Variants in PDE5A observed in about 807,000 individuals in gnomAD.
The protein encoded by PDE5A is phosphodiesterase 5A.
PDE5A carries 67 observed loss-of-function variants against 110.2 expected under a neutral mutation model. That is an observed-to-expected ratio of 0.61 (90% CI 0.50 to 0.75). PDE5A has a LOEUF of 0.75. Among genes scored for constraint, PDE5A ranks in the 30% least tolerant of loss-of-function variants. The probability of loss-of-function intolerance (pLI) is 0.00; values close to 1 mark genes in which losing one functional copy is unlikely to be tolerated. For synonymous variants in PDE5A, 328 were observed against 351.2 expected (o/e 0.93, Z 0.74); for missense variants, 862 against 1,045.1 (o/e 0.82, Z 2.42).
intron 1 of PDE5A, among the ~76,000 whole-genome samples, chr4:119,610,876 TCCTATACTTACC>T (rs1182980470): frequency 2.0e-5 from 3 of 152,110 alleles, no homozygotes; most frequent in Non-Finnish European, 2.9e-5. Context: ...ATCTCTCTGA[TCCTATACTTACC>T]CCCTTGCAAT....
chr4:119,615,512 C>G (rs930452670), intron 1 of PDE5A, among the ~76,000 whole-genome samples: 19 of 151,024 alleles, frequency 1.3e-4, no homozygotes, highest in Non-Finnish European at 2.5e-4. Flanking sequence ...GGGGCCCTAA[C>G]TGGGTTGGGA....
Position 119,603,379 on chromosome 4 carries a change from CAT to C in PDE5A, c.741+3328_741+3329del, listed in dbSNP as rs1729412186. Among the ~76,000 whole-genome samples, 7 of 3,306 alleles carry C rather than the reference CAT, an allele frequency of 2.1e-3. No individual in the cohort carries two copies. In the Non-Finnish European group the frequency reaches 0.022, roughly 10 times the overall value. 2.2% of individuals were successfully genotyped at this position (3,306 alleles called of 152,430 possible). A position where few individuals can be genotyped will look rare whatever the true frequency, so the allele number is the denominator to read the frequency against. On this transcript the variant is annotated intron_variant, in intron 2 of 20. Transcript: ENST00000354960. ...GTGAGACTCTGGCTTAAAATAAATA[CAT>C]ACATACATACATACATACATACATA...
Position 119,627,878 on chromosome 4 carries a change from C to G in PDE5A, c.152+642G>C, listed in dbSNP as rs1466389438. On this transcript the variant is annotated intron_variant, in intron 1 of 20. Transcript: ENST00000354960. The surrounding 1 kb of genome is among the most constrained non-coding windows in gnomAD (Gnocchi z 4.6). ...CCCTGCGCCCTTTGTGTGCACGCCG[C>G]AAACCCCTCTGCAGAGCTCTACTTT... 1 of 234,118 alleles carries G rather than the reference C, an allele frequency of 4.3e-6. No homozygotes were observed. Among genetic ancestry groups the G allele is most frequent in the Non-Finnish European group, 7.0e-6 (1 of 142,886 alleles). The allele number at this position is 234,118 out of a possible 1,614,324, so 14.5% of individuals were successfully genotyped here.
At chr4:119,595,190 C>T (rs1418524362) in intron 3 of PDE5A, among the ~76,000 whole-genome samples, 3 of 151,538 alleles carry the variant, frequency 2.0e-5, no homozygotes, top group African/African-American at 7.3e-5. Flanking sequence ...TGGTAACACA[C>T]TAGATGGAGG....
At chr4:119,512,150 G>A (rs1226841810) in intron 14 of PDE5A, among the ~76,000 whole-genome samples, 1 of 152,070 alleles carries the variant, frequency 6.6e-6, no homozygotes, top group Non-Finnish European at 1.5e-5. Flanking sequence ...TAAGACTGAA[G>A]AAATGTAATG....
chr4:119,557,686 A>G (rs1053734149), intron 7 of PDE5A, among the ~76,000 whole-genome samples: 1 of 152,170 alleles, frequency 6.6e-6, no homozygotes, highest in African/African-American at 2.4e-5. Context: ...TTCTTAGTAC[A>G]ATCCTACTAC....
chr4:119,612,321 C>G (rs1455278856), intron 1 of PDE5A, among the ~76,000 whole-genome samples: 1 of 152,130 alleles, frequency 6.6e-6, no homozygotes, highest in Admixed American at 6.5e-5. Flanking sequence ...CACACCATCC[C>G]CTTCATGATG....
intron 3 of PDE5A, among the ~76,000 whole-genome samples, chr4:119,585,924 G>T (rs1728748759): frequency 6.6e-6 from 1 of 152,164 alleles, no homozygotes; most frequent in Non-Finnish European, 1.5e-5. Context: ...CCCACATGGT[G>T]AGGAATGAAG....
chr4:119,504,668 T>C, intron 17 of PDE5A, 69 bp from the exon 18 acceptor site: 1 of 1,271,312 alleles, frequency 7.9e-7, no homozygotes, highest in East Asian at 2.4e-5. Context: ...CAGTAAATAG[T>C]TACTAATAAA....
intron 3 of PDE5A, among the ~76,000 whole-genome samples, chr4:119,574,331 C>T (rs1037719119): frequency 3.3e-5 from 5 of 150,102 alleles, no homozygotes; most frequent in South Asian, 2.2e-4. Context: ...TACATGTGCC[C>T]GCCACCACGC....
chr4:119,506,140 C>T (rs1373134847), intron 16 of PDE5A, among the ~76,000 whole-genome samples: 2 of 151,678 alleles, frequency 1.3e-5, no homozygotes, highest in Non-Finnish European at 3.0e-5. Context: ...AACATTAAAC[C>T]TCACCTAATT....
intron 3 of PDE5A, among the ~76,000 whole-genome samples, chr4:119,578,669 C>T (rs1158588142): frequency 6.6e-6 from 1 of 152,144 alleles, no homozygotes; most frequent in Admixed American, 6.6e-5. Context: ...CTTCCTTACA[C>T]CTTATACAAA....
At position 119,628,691 on chromosome 4, in the gene PDE5A, G is replaced by A; in HGVS notation, c.-20C>T. The A allele has an allele frequency of 6.2e-7, 1 of 1,609,104 alleles. No homozygotes were observed. Among genetic ancestry groups the A allele is most frequent in the Non-Finnish European group, 8.5e-7 (1 of 1,179,668 alleles). On this transcript the variant is annotated 5_prime_UTR_variant, in exon 1 of 21. Transcript: ENST00000354960. ...CTCCATGGTTGGCACCGCGCGCCTCGGAGGCTCTCTGGTACTGCTTTTCCA... is the reference window on the plus strand; with the variant it reads ...CTCCATGGTTGGCACCGCGCGCCTCAGAGGCTCTCTGGTACTGCTTTTCCA...
chr4:119,542,476 G>T lies in PDE5A; in HGVS notation c.1555C>A (p.Gln519Lys). The T allele has an allele frequency of 6.2e-7, 1 of 1,613,786 alleles. No homozygotes were observed. Reference protein sequence around the residue: ...YEAVERAMAKQMVTLEVLSYH... With the variant: ...YEAVERAMAKKMVTLEVLSYH... ...TCACCCACCTCCAATGTGACCATTT[G>T]CTTGGCCATGGCTCTCTCCACTGCT... Residue 519 changes from glutamine to lysine, a missense_variant, in exon 10 of 21, where the codon CAA becomes AAA. Gln to Lys is a moderately conservative substitution (Grantham distance 53, BLOSUM62 1). Coordinates refer to ENST00000354960, the MANE Select transcript of PDE5A (RefSeq NM_001083.4).
chr4:119,535,257 A>C (rs1286745193), intron 11 of PDE5A, among the ~76,000 whole-genome samples: 1 of 152,048 alleles, frequency 6.6e-6, no homozygotes, highest in African/African-American at 2.4e-5. Flanking sequence ...GAGTCAACAC[A>C]CTTGTGGGTA....
At chr4:119,569,780 A>T (rs1728079614) in intron 3 of PDE5A, 1 of 152,632 alleles carries the variant, frequency 6.6e-6, no homozygotes, top group Non-Finnish European at 1.5e-5. Flanking sequence ...CACTGTGACA[A>T]GGGGCACAAA....
intron 19 of PDE5A, 114 bp from the exon 20 acceptor site, chr4:119,501,367 G>A (rs1438253217): frequency 1.5e-6 from 1 of 667,534 alleles, no homozygotes; most frequent in African/African-American, 1.8e-5. Context: ...CTGGAGTGCA[G>A]TGGCACCATC....
chr4:119,570,460 G>A (rs1728101598), intron 3 of PDE5A, among the ~76,000 whole-genome samples: 1 of 152,108 alleles, frequency 6.6e-6, no homozygotes, highest in South Asian at 2.1e-4. Flanking sequence ...TTCTGTAAAA[G>A]CGCAAAAAAG....
In PDE5A at chr4:119,497,710, A is replaced by G. The variant is rs1252203954; in HGVS notation, c.*891T>C. On this transcript the variant is annotated 3_prime_UTR_variant, in exon 21 of 21. Transcript: ENST00000354960. ...CTTATCTATAACCATGTCTCACTTC[A>G]AGTCAATGCTACAATTGTCACTTTT... The G allele has an allele frequency of 1.3e-5, 2 of 152,182 alleles. No individual in the cohort carries two copies. Among genetic ancestry groups the G allele is most frequent in the African/African-American group, 4.8e-5 (2 of 41,468 alleles). 9.4% of individuals were successfully genotyped at this position (152,182 alleles called of 1,614,324 possible). A position where few individuals can be genotyped will look rare whatever the true frequency, so the allele number is the denominator to read the frequency against.
Sources: gnomAD v4.1 joint callset for allele counts (sites outside exome capture counted in the v4.1 genomes callset) on GRCh38, gnomAD v4.1.1 for gene constraint, Gnocchi (gnomAD v3.1) non-coding constraint, MANE v1.5 for transcripts, NCBI Gene and HGNC (gene_info 2026-07-23, HGNC 2026-07-21) for gene names.